Variants in NUBP2 observed in about 807,000 individuals in gnomAD.
The protein encoded by NUBP2 is cytosolic Fe-S cluster assembly factor NUBP2.
A neutral mutation model predicts 24.9 loss-of-function variants in NUBP2; 23 were observed. The observed-to-expected ratio is 0.92, with a 90% CI of 0.66 to 1.31. The LOEUF (loss-of-function observed/expected upper bound fraction) is 1.31, where lower values mean the gene tolerates loss of function less well. NUBP2 is among the 50% of genes most tolerant of loss of function. The pLI, the probability that NUBP2 is intolerant of heterozygous loss-of-function variation, is 0.00. For missense variants in NUBP2, 403 were observed against 386.5 expected (o/e 1.04, Z -0.36); for synonymous variants, 186 against 170.9 (o/e 1.09, Z -0.69).
chr16:1,785,505 T>TACAG (rs1199796082), intron 1 of NUBP2: 1 of 1,195,520 alleles, frequency 8.4e-7, no homozygotes, highest in Non-Finnish European at 1.1e-6. Flanking sequence ...CCCCGGCAGC[T>TACAG]ACAGAAGTGC....
At chr16:1,787,590 G>T (rs545504666) in intron 3 of NUBP2, 87 bp from the exon 4 acceptor site, 4 of 1,538,600 alleles carry the variant, frequency 2.6e-6, no homozygotes, top group East Asian at 2.3e-5. Context: ...GCAGCCCCTC[G>T]GCCTGACCTG....
rs1457992196 is a variant in NUBP2, at chr16:1,787,817, G to A, written c.475G>A (p.Val159Ile). 1.9e-6 allele frequency: 3 copies of A among 1,611,178 alleles called. No individual in the cohort carries two copies. In the Admixed American group the frequency reaches 5.0e-5, roughly 27 times the overall value. Reference sequence around the variant, plus strand: ...CTACCAGCCCCTGGGGGCCCTCGTGGTCACCACGCCCCAGGTAGCGCTGCG... The same window carrying A: ...CTACCAGCCCCTGGGGGCCCTCGTGATCACCACGCCCCAGGTAGCGCTGCG... Reference protein sequence around the residue: ...RPYQPLGALVVTTPQAVSVGD... With the variant: ...RPYQPLGALVITTPQAVSVGD... Residue 159 changes from valine (V) to isoleucine (I), a missense_variant, in exon 4 of 7, where the codon GTC (valine) becomes ATC (isoleucine). Transcript: ENST00000262302.
At chr16:1,787,857 C>T (rs1353984532) in intron 4 of NUBP2, 26 bp downstream of exon 4, 3 of 1,603,232 alleles carry the variant, frequency 1.9e-6, no homozygotes, top group Non-Finnish European at 2.6e-6. Context: ...CTTCCCGAGT[C>T]CCTGTGGGTG....
rs770244422 is a variant in NUBP2 at position 1,787,967 on chromosome 16, C to T, written c.516C>T (p.Arg172=). ...CGGTGTCCGTGGGGGACGTGAGGCG[C>T]GAGCTGACCTTCTGTAGGAAGACGG... The part of the protein sequence containing the change: ...PQAVSVGDVR[R]ELTFCRKTGL... Residue 172 remains arginine, a synonymous_variant, in exon 5 of 7, where the codon CGC becomes CGT. Transcript: ENST00000262302. The T allele has an allele frequency of 3.7e-6, 6 of 1,604,440 alleles. No individual in the cohort carries two copies. In the African/African-American group the frequency reaches 4.0e-5, roughly 11 times the overall value.
rs145549922 is a variant in NUBP2, at chr16:1,786,618, C to T, written c.98C>T (p.Thr33Met). The change falls in exon 2 of 7, where the codon ACG becomes ATG. Residue 33 changes from threonine to methionine, a missense_variant. Transcript: ENST00000262302. ...GGCGTTGGGAAAAGCACCATCTCCA[C>T]GGAGCTGGCCCTGGCACTGCGCCAT... Reference protein sequence around the residue: ...KGGVGKSTISTELALALRHAG... With the variant: ...KGGVGKSTISMELALALRHAG... The T allele has an allele frequency of 1.7e-5, 27 of 1,612,638 alleles. No homozygotes were observed. The highest frequency in any genetic ancestry group is 5.3e-5 in the African/African-American group (4 of 74,948).
In NUBP2 at chr16:1,786,821, G is replaced by C; in HGVS notation, c.200G>C (p.Arg67Thr). 2 of 1,608,396 alleles carry C rather than the reference G, an allele frequency of 1.2e-6. No homozygotes were observed. The highest frequency in any genetic ancestry group is 1.7e-6 in the Non-Finnish European group (2 of 1,177,006). ...CCCCGCATGCTCGGGGCGCAGGGCA[G>C]GGCTGTGCACCAGTGCGACCGCGGC... ...SIPRMLGAQGRAVHQCDRGWA... is the reference protein window; with the variant it reads ...SIPRMLGAQGTAVHQCDRGWA... The change falls in exon 3 of 7, where the codon AGG (arginine) becomes ACG (threonine). Residue 67 changes from arginine (R) to threonine (T), a missense_variant. Physicochemically the swap from Arg to Thr is moderately conservative, Grantham distance 71. Coordinates refer to ENST00000262302, the MANE Select transcript of NUBP2 (RefSeq NM_012225.4).
chr16:1,788,735 C>A lies in NUBP2; in HGVS notation c.*21C>A. The A allele has an allele frequency of 3.7e-6, 6 of 1,600,078 alleles. No homozygotes were observed. The highest frequency in any genetic ancestry group is 5.1e-6 in the Non-Finnish European group (6 of 1,172,420). On this transcript the variant is annotated 3_prime_UTR_variant, in exon 7 of 7. Transcript: ENST00000262302. ...CCTGACTAAGGCCACCTTGCAGCCG[C>A]TTTCCAGGGCCACCAAGGGCTCTGC... is the stretch of plus-strand genomic sequence containing the variant.
In NUBP2 at chr16:1,787,589, C is replaced by T. The variant is rs1596876138; in HGVS notation, c.335-88C>T. 2.2e-5 allele frequency: 34 copies of T among 1,531,012 alleles called. No individual in the cohort carries two copies. In the East Asian group the frequency reaches 6.1e-4, roughly 28 times the overall value. 94.8% of individuals were successfully genotyped at this position (1,531,012 alleles called of 1,614,324 possible). A position where few individuals can be genotyped will look rare whatever the true frequency, so the allele number is the denominator to read the frequency against. On this transcript the variant is annotated intron_variant, in intron 3 of 6. Coordinates refer to ENST00000262302, the MANE Select transcript of NUBP2 (RefSeq NM_012225.4). ...TGACACCTGATGGACTGCAGCCCCT[C>T]GGCCTGACCTGGCTGGTTCTTAGTG...
rs1482809751 is a variant in NUBP2 at position 1,788,952 on chromosome 16, G to C, written c.*238G>C. 15 of 522,444 alleles carry C rather than the reference G, an allele frequency of 2.9e-5. No homozygotes were observed. 32.4% of individuals were successfully genotyped at this position (522,444 alleles called of 1,614,324 possible). On this transcript the variant is annotated 3_prime_UTR_variant, in exon 7 of 7. Coordinates refer to ENST00000262302, the MANE Select transcript of NUBP2 (RefSeq NM_012225.4). ...GCAGCTGTGAGACGGGGGCGGCCTGGGCTCTCTTCCCATCCATGTTGCCTA... is the reference window on the plus strand; with the variant it reads ...GCAGCTGTGAGACGGGGGCGGCCTGCGCTCTCTTCCCATCCATGTTGCCTA...
rs1489833151 is a variant in NUBP2 at position 1,787,715 on chromosome 16, G to A, written c.373G>A (p.Glu125Lys). Residue 125 changes from glutamate to lysine, a missense_variant, in exon 4 of 7, where the codon GAG becomes AAG. Transcript: ENST00000262302. Reference protein sequence around the residue: ...KQFVSDVAWGELDYLVVDTPP... With the variant: ...KQFVSDVAWGKLDYLVVDTPP... Reference sequence around the variant, plus strand: ...GTTTGTGTCCGACGTGGCCTGGGGGGAGCTGGACTACCTGGTGGTGGACAC... The same window carrying A: ...GTTTGTGTCCGACGTGGCCTGGGGGAAGCTGGACTACCTGGTGGTGGACAC... The A allele has an allele frequency of 1.9e-6, 3 of 1,612,534 alleles. No homozygotes were observed. Among genetic ancestry groups the A allele is most frequent in the Non-Finnish European group, 2.5e-6 (3 of 1,179,944 alleles).
chr16:1,789,039 CAGG>C lies in NUBP2; in HGVS notation c.*326_*328del. The stretch of plus-strand genomic sequence containing the variant: ...CGGAGCGCGGGACTTCTGCAGTCCT[CAGG>C]TGACCCCGGGCCTCCAGCACCCTGG... On this transcript the variant is annotated 3_prime_UTR_variant, in exon 7 of 7. Coordinates refer to ENST00000262302, the MANE Select transcript of NUBP2 (RefSeq NM_012225.4). 1 of 288,776 alleles carries C rather than the reference CAGG, an allele frequency of 3.5e-6. No homozygotes were observed. Among genetic ancestry groups the C allele is most frequent in the Non-Finnish European group, 6.5e-6 (1 of 154,836 alleles). 17.9% of individuals were successfully genotyped at this position (288,776 alleles called of 1,614,324 possible).
At chr16:1,785,336 T>C in intron 1 of NUBP2, 2 of 1,091,188 alleles carry the variant, frequency 1.8e-6, no homozygotes, top group Non-Finnish European at 2.2e-6. Context: ...TCCCGGTTCC[T>C]GACACTAAGG....
intron 1 of NUBP2, chr16:1,785,107 C>G (rs1896901195): frequency 2.2e-5 from 22 of 986,790 alleles, no homozygotes; most frequent in Non-Finnish European, 2.6e-5. Context: ...GTGGAATGAT[C>G]TGGATTTGCT....
intron 1 of NUBP2, chr16:1,785,011 CA>C (rs1407358170): frequency 1.1e-6 from 1 of 872,892 alleles, no homozygotes; most frequent in Non-Finnish European, 1.4e-6. Context: ...GAGATTGCGC[CA>C]CTGTACTCCA....
At position 1,788,804 on chromosome 16, in the gene NUBP2, C is replaced by T; in HGVS notation, c.*90C>T. 2 of 1,455,640 alleles carry T rather than the reference C, an allele frequency of 1.4e-6. No homozygotes were observed. The highest frequency in any genetic ancestry group is 2.8e-5 in the South Asian group (2 of 70,982). The allele number at this position is 1,455,640 out of a possible 1,614,324, so 90.2% of individuals were successfully genotyped here. On this transcript the variant is annotated 3_prime_UTR_variant, in exon 7 of 7. Transcript: ENST00000262302. ...CAGAGGCCTGGGCTCGGTTCCCGGG[C>T]CCTGCAGGGGCAGGCCCAGGCAGCG...
rs1430962003 is a variant in NUBP2, at chr16:1,782,975, C to A, written c.-46C>A. ...CGCTCTAGCTGGGAGGCTGACGGCCCGCGGGCGTAAGCGGACTGCAGCCGC... is the reference window on the plus strand; with the variant it reads ...CGCTCTAGCTGGGAGGCTGACGGCCAGCGGGCGTAAGCGGACTGCAGCCGC... On this transcript the variant is annotated 5_prime_UTR_variant, in exon 1 of 7. Coordinates refer to ENST00000262302, the MANE Select transcript of NUBP2 (RefSeq NM_012225.4). 5 of 1,410,030 alleles carry A rather than the reference C, an allele frequency of 3.5e-6. No homozygotes were observed. The highest frequency in any genetic ancestry group is 2.8e-6 in the Non-Finnish European group (3 of 1,081,448). The allele number at this position is 1,410,030 out of a possible 1,614,324, so 87.3% of individuals were successfully genotyped here.
intron 1 of NUBP2, chr16:1,785,274 C>T (rs889568247): frequency 8.6e-6 from 9 of 1,041,826 alleles, no homozygotes; most frequent in Non-Finnish European, 1.0e-5. Context: ...TTAGGAGCTG[C>T]CTCAGTTTGC....
intron 1 of NUBP2, chr16:1,784,595 A>C (rs947002014): frequency 6.6e-6 from 1 of 151,064 alleles, no homozygotes; most frequent in African/African-American, 2.4e-5. Flanking sequence ...TAGTAGAGAC[A>C]GGGTTTCGCC....
In NUBP2 at chr16:1,788,580, CT is replaced by C. The variant is rs765499738; in HGVS notation, c.683del (p.Leu228ArgfsTer6). On this transcript the variant is annotated frameshift_variant, in exon 7 of 7. Coordinates refer to ENST00000262302, the MANE Select transcript of NUBP2 (RefSeq NM_012225.4). LOFTEE classifies it low-confidence loss of function (END_TRUNC). ...ACTGTGCCCTGCAGGCTCCGTGCCC[CT>C]GGACCCTGCGCTCATGAGGACCCTG... ...AGVPFLGSVP[L>X]DPALMRTLEE... The C allele has an allele frequency of 6.2e-7, 1 of 1,606,800 alleles. No individual in the cohort carries two copies. Among genetic ancestry groups the C allele is most frequent in the Non-Finnish European group, 8.5e-7 (1 of 1,178,656 alleles).
Sources: allele counts gnomAD v4.1 joint callset, GRCh38; gene constraint gnomAD v4.1.1; transcripts MANE v1.5; gene names NCBI Gene and HGNC (gene_info 2026-07-23, HGNC 2026-07-21).